EPHB3: variants seen among roughly 807,000 people sequenced by gnomAD.
EPHB3 encodes the protein EPH receptor B3.
A neutral mutation model predicts 100.2 loss-of-function variants in EPHB3; 33 were observed. The ratio of observed to expected loss-of-function variants is 0.33; its 90% CI spans 0.25 to 0.44. EPHB3 has a LOEUF of 0.44. Among genes scored for constraint, EPHB3 ranks in the 20% least tolerant of loss-of-function variants. The pLI, the probability that EPHB3 is intolerant of heterozygous loss-of-function variation, is 1.00. For synonymous variants in EPHB3, 526 were observed against 554.7 expected (o/e 0.95, Z 0.73); for missense variants, 1,045 against 1,378.3 (o/e 0.76, Z 3.83).
Position 184,579,768 on chromosome 3 carries a change from T to G in EPHB3, c.2006T>G (p.Val669Gly). The G allele has an allele frequency of 6.2e-7, 1 of 1,611,346 alleles. No individual in the cohort carries two copies. The highest frequency in any genetic ancestry group is 8.5e-7 in the Non-Finnish European group (1 of 1,179,106). ...TTTGTGGCCATCAAGACGCTGAAGGTGGGCTACACCGAGAGGCAGCGGCGG... is the reference window on the plus strand; with the variant it reads ...TTTGTGGCCATCAAGACGCTGAAGGGGGGCTACACCGAGAGGCAGCGGCGG... ...EVFVAIKTLKVGYTERQRRDF... is the reference protein window; with the variant it reads ...EVFVAIKTLKGGYTERQRRDF... Residue 669 changes from valine to glycine, a missense_variant, in exon 11 of 16, where the codon GTG (valine) becomes GGG (glycine). This residue lies in a region of EPHB3 where 985 missense variants were observed against 1,331.1 expected (regional missense o/e 0.74). Transcript: ENST00000330394. The surrounding 1 kb of genome is among the most constrained non-coding windows in gnomAD (Gnocchi z 5.2).
In EPHB3 at chr3:184,578,505, C is replaced by A. The variant is rs200601028; in HGVS notation, c.1801+39C>A. ...CGCCGCCCTCCCCAAGCTCTCCCAG[C>A]CCCCTGCAGGGCTCTCAGACACCCT... On this transcript the variant is annotated intron_variant, in intron 9 of 15. Transcript: ENST00000330394. The surrounding 1 kb of genome is among the most constrained non-coding windows in gnomAD (Gnocchi z 4.7). The A allele has an allele frequency of 4.1e-5, 66 of 1,613,094 alleles. No homozygotes were observed. In the East Asian group the frequency reaches 1.4e-3, roughly 34 times the overall value.
Position 184,575,904 on chromosome 3 carries a change from A to G in EPHB3, c.931A>G (p.Thr311Ala), listed in dbSNP as rs759467668. The change falls in exon 4 of 16, where the codon ACC (threonine) becomes GCC (alanine). Residue 311 changes from threonine (T) to alanine (A), a missense_variant. Thr to Ala is a moderately conservative substitution (Grantham distance 58). This residue lies in a region of EPHB3 where 985 missense variants were observed against 1,331.1 expected (regional missense o/e 0.74). Transcript: ENST00000330394. ...CLPCPPNSRTTSPAASICTCH... is the reference protein window; with the variant it reads ...CLPCPPNSRTASPAASICTCH... ...CCCATGTCCCCCCAACAGCCGTACCACCTCCCCAGCCGCCAGCATCTGCAC... is the reference window on the plus strand; with the variant it reads ...CCCATGTCCCCCCAACAGCCGTACCGCCTCCCCAGCCGCCAGCATCTGCAC... 6.2e-7 allele frequency: 1 copy of G among 1,611,358 alleles called. No homozygotes were observed. The highest frequency in any genetic ancestry group is 1.1e-5 in the South Asian group (1 of 90,890).
rs1714689554 is a variant in EPHB3 at position 184,576,910 on chromosome 3, G to A, written c.1081G>A (p.Glu361Lys). Residue 361 changes from glutamate (E) to lysine (K), a missense_variant, in exon 5 of 16, where the codon GAG becomes AAG. Physicochemically the swap from Glu to Lys is moderately conservative, Grantham distance 56. Around this residue, in one of 2 missense-constraint regions of EPHB3, gnomAD observed 985 missense variants for 1,331.1 expected, o/e 0.74. Coordinates refer to ENST00000330394, the MANE Select transcript of EPHB3 (RefSeq NM_004443.4). The stretch of plus-strand genomic sequence containing the variant: ...AACCTCACTGATCCTCGAGTGGAGT[G>A]AGCCCCGGGACCTGGGTGGCCGGGA... ...NETSLILEWS[E>K]PRDLGGRDDL... 2 of 1,591,178 alleles carry A rather than the reference G, an allele frequency of 1.3e-6. No individual in the cohort carries two copies. The highest frequency in any genetic ancestry group is 8.6e-7 in the Non-Finnish European group (1 of 1,165,746).
chr3:184,578,422 G>A lies in EPHB3; in HGVS notation c.1757G>A (p.Arg586Gln), dbSNP rs1441268317. ...ACCCTGCCACCCTACAGGAAGCAGC[G>A]ACACGGCTCTGATTCGGAGTACACG... ...VIAIVCLRKQRHGSDSEYTEK... is the reference protein window; with the variant it reads ...VIAIVCLRKQQHGSDSEYTEK... Residue 586 changes from arginine (R) to glutamine (Q), a missense_variant, in exon 9 of 16, where the codon CGA (arginine) becomes CAA (glutamine). By Grantham distance (43) the Arg-to-Gln change is conservative. Around this residue, in one of 2 missense-constraint regions of EPHB3, gnomAD observed 985 missense variants for 1,331.1 expected, o/e 0.74. Coordinates refer to ENST00000330394, the MANE Select transcript of EPHB3 (RefSeq NM_004443.4). The surrounding 1 kb of genome is among the most constrained non-coding windows in gnomAD (Gnocchi z 4.7). The A allele has an allele frequency of 6.2e-6, 10 of 1,613,550 alleles. No homozygotes were observed. The highest frequency in any genetic ancestry group is 3.3e-5 in the Admixed American group (2 of 59,972).
At chr3:184,576,462 G>A (rs1270605391) in intron 4 of EPHB3, among the ~76,000 whole-genome samples, 1 of 152,172 alleles carries the variant, frequency 6.6e-6, no homozygotes, top group Non-Finnish European at 1.5e-5. Context: ...GGGTATCGAG[G>A]GTGAGGAGGT....
At position 184,574,693 on chromosome 3, in the gene EPHB3, T is replaced by C. The variant is rs975793200; in HGVS notation, c.857-1137T>C. On this transcript the variant is annotated intron_variant, in intron 3 of 15. Coordinates refer to ENST00000330394, the MANE Select transcript of EPHB3 (RefSeq NM_004443.4). ...TTCCCGGGCCCTCTCCACTTCTCGA[T>C]GGGAATCTGTCCTGAGATTTCCTCT... Among the ~76,000 whole-genome samples, 4 of 152,170 alleles carry C rather than the reference T, an allele frequency of 2.6e-5. No individual in the cohort carries two copies. The South Asian group carries it at 8.3e-4, about 31-fold the overall frequency.
Position 184,572,742 on chromosome 3 carries a change from T to A in EPHB3, c.422T>A (p.Val141Glu). Residue 141 changes from valine to glutamate, a missense_variant, in exon 3 of 16, where the codon GTG becomes GAG. Coordinates refer to ENST00000330394, the MANE Select transcript of EPHB3 (RefSeq NM_004443.4). The surrounding 1 kb of genome is among the most constrained non-coding windows in gnomAD (Gnocchi z 6.6). The stretch of plus-strand genomic sequence containing the variant: ...TTCTACTACGAGGCTGACAGCGATG[T>A]GGCCTCAGCCTCCTCCCCCTTCTGG... ...NLFYYEADSD[V>E]ASASSPFWME... 1 of 1,612,966 alleles carries A rather than the reference T, an allele frequency of 6.2e-7. No homozygotes were observed. Among genetic ancestry groups the A allele is most frequent in the Non-Finnish European group, 8.5e-7 (1 of 1,179,728 alleles).
rs1262718800 is a variant in EPHB3, at chr3:184,579,977, G to A, written c.2172+43G>A. 6.3e-7 allele frequency: 1 copy of A among 1,587,464 alleles called. No homozygotes were observed. The highest frequency in any genetic ancestry group is 1.2e-5 in the South Asian group (1 of 86,886). ...GGCCCTCTCCCTCCCCCAGAGAGTT[G>A]GATTGGGCTCACCATCCCCTCCCAC... On this transcript the variant is annotated intron_variant, in intron 11 of 15. Coordinates refer to ENST00000330394, the MANE Select transcript of EPHB3 (RefSeq NM_004443.4). The surrounding 1 kb of genome is among the most constrained non-coding windows in gnomAD (Gnocchi z 5.2).
Position 184,573,210 on chromosome 3 carries a change from G to C in EPHB3, c.856+34G>C, listed in dbSNP as rs191532061. Reference sequence around the variant, plus strand: ...GGACTGTCCTGGGGAAAGGGTTGTCGGGAGGGCCTGGGCCACAGCTACCTA... The same window carrying C: ...GGACTGTCCTGGGGAAAGGGTTGTCCGGAGGGCCTGGGCCACAGCTACCTA... On this transcript the variant is annotated intron_variant, in intron 3 of 15. Transcript: ENST00000330394. The surrounding 1 kb of genome is among the most constrained non-coding windows in gnomAD (Gnocchi z 4.5). 348 of 1,604,328 alleles carry C rather than the reference G, an allele frequency of 2.2e-4. 1 individual carries two copies. The African/African-American group carries it at 3.1e-3, about 14-fold the overall frequency.
intron 3 of EPHB3, chr3:184,575,284 C>T (rs1413855232): frequency 2.1e-6 from 2 of 965,762 alleles, no homozygotes; most frequent in African/African-American, 3.5e-5. Context: ...CCTCCTCTCA[C>T]CCGTCCTCAG....
chr3:184,567,027 G>A (rs1179287603), intron 1 of EPHB3, among the ~76,000 whole-genome samples: 1 of 152,058 alleles, frequency 6.6e-6, no homozygotes, highest in African/African-American at 2.4e-5. Flanking sequence ...CAAGGTCCTC[G>A]ACCTGCAAGC....
chr3:184,580,349 G>A, intron 11 of EPHB3, 53 bp from the exon 12 acceptor site: 1 of 1,609,524 alleles, frequency 6.2e-7, no homozygotes, highest in South Asian at 1.1e-5. Flanking sequence ...AGGTGGGCAG[G>A]CCATGGGCTG....
Position 184,562,266 on chromosome 3 carries a change from T to TCGC in EPHB3, c.40_42dup (p.Pro14dup), listed in dbSNP as rs995925709. ...CAGAGCCCGCCCGCCGCCGCCGCCG[T>TCGC]CGCCGCCGCCGGGGCTTCTGCCGCT... On this transcript the variant is annotated inframe_insertion, in exon 1 of 16. Coordinates refer to ENST00000330394, the MANE Select transcript of EPHB3 (RefSeq NM_004443.4). This position sits in a 1 kb window ranked among gnomAD's most constrained non-coding sequence, Gnocchi z 4.8. 1.3e-5 allele frequency: 15 copies of TCGC among 1,160,246 alleles called. No homozygotes were observed. In the African/African-American group the frequency reaches 2.4e-4, roughly 19 times the overall value. 71.9% of individuals were successfully genotyped at this position (1,160,246 alleles called of 1,614,324 possible).
Position 184,581,367 on chromosome 3 carries a change from G to T in EPHB3, c.2847G>T (p.Ala949=). 1.2e-6 allele frequency: 2 copies of T among 1,604,670 alleles called. No homozygotes were observed. The highest frequency in any genetic ancestry group is 1.7e-6 in the Non-Finnish European group (2 of 1,175,190). ...GGTACAAGGAGAGCTTCGTCAGTGCGGGGTTTGCATCTTTTGACCTGGTGG... is the reference window on the plus strand; with the variant it reads ...GGTACAAGGAGAGCTTCGTCAGTGCTGGGTTTGCATCTTTTGACCTGGTGG... ...MGRYKESFVS[A]GFASFDLVAQ... is the part of the protein sequence containing the mutation. Residue 949 remains alanine, a synonymous_variant, in exon 15 of 16, where the codon GCG becomes GCT. Transcript: ENST00000330394.
Position 184,579,621 on chromosome 3 carries a change from A to G in EPHB3, c.1924+22A>G. ...GCTGGTGAGTCTCCCGGGGCACAGT[A>G]GAGATGAGAAGCTGAGGCGGGCTGG... On this transcript the variant is annotated intron_variant, in intron 10 of 15. Transcript: ENST00000330394. The surrounding 1 kb of genome is among the most constrained non-coding windows in gnomAD (Gnocchi z 5.2). The G allele has an allele frequency of 1.2e-6, 2 of 1,613,234 alleles. No homozygotes were observed. The highest frequency in any genetic ancestry group is 1.7e-6 in the Non-Finnish European group (2 of 1,179,402).
In EPHB3 at chr3:184,562,184, G is replaced by T; in HGVS notation, c.-52G>T. On this transcript the variant is annotated 5_prime_UTR_variant, in exon 1 of 16. Transcript: ENST00000330394. This position sits in a 1 kb window ranked among gnomAD's most constrained non-coding sequence, Gnocchi z 4.8. ...TCTCTCGGGTGCCTGCAGCCCCGCC[G>T]GCGCGGCCCGGCCCGGCGCGGCCCG... 5.7e-6 allele frequency: 2 copies of T among 349,396 alleles called. No homozygotes were observed. Among genetic ancestry groups the T allele is most frequent in the Non-Finnish European group, 8.3e-6 (2 of 240,156 alleles). The allele number at this position is 349,396 out of a possible 1,614,324, so 21.6% of individuals were successfully genotyped here.
intron 1 of EPHB3, among the ~76,000 whole-genome samples, chr3:184,568,172 C>T (rs1250036859): frequency 6.6e-6 from 1 of 152,112 alleles, no homozygotes; most frequent in Non-Finnish European, 1.5e-5. Flanking sequence ...CACGTGGCTG[C>T]TCTCCATGGC....
intron 3 of EPHB3, among the ~76,000 whole-genome samples, chr3:184,574,672 CG>C (rs1301531839): frequency 6.6e-6 from 1 of 152,156 alleles, no homozygotes; most frequent in Admixed American, 6.5e-5. Flanking sequence ...GTGCCTTTCC[CG>C]GGCCCTCTCC....
At chr3:184,575,327 G>C in intron 3 of EPHB3, 6 of 735,254 alleles carry the variant, frequency 8.2e-6, no homozygotes, top group African/African-American at 1.9e-5. Context: ...GACAGGAGCT[G>C]CTGCCTGCGC....
Sources: allele counts gnomAD v4.1 joint callset (sites outside exome capture counted in the v4.1 genomes callset), GRCh38; gene constraint gnomAD v4.1.1; regional missense constraint gnomAD v4.1.1; non-coding constraint Gnocchi (gnomAD v3.1); transcripts MANE v1.5; gene names NCBI Gene and HGNC (gene_info 2026-07-23, HGNC 2026-07-21).